RYR3: variants seen among roughly 807,000 people sequenced by gnomAD.
RYR3 encodes ryanodine receptor 3.
Under a neutral mutation model 584.3 loss-of-function variants are expected in RYR3, and 207 were observed. The observed-to-expected ratio is 0.35, with a 90% CI of 0.32 to 0.40. RYR3 has a LOEUF of 0.40. Ranked by LOEUF, RYR3 falls within the 10% of genes least tolerant of loss-of-function variation. The probability of loss-of-function intolerance (pLI) is 1.00; values close to 1 mark genes in which losing one functional copy is unlikely to be tolerated. For missense variants in RYR3, 5,616 were observed against 6,089.2 expected, an observed-to-expected ratio of 0.92 and a Z score of 2.59; for synonymous variants, 2,416 against 2,248.5, an observed-to-expected ratio of 1.07 and a Z score of -2.11.
At chr15:33,435,661 C>G (rs2045639040) in intron 1 of RYR3, among the ~76,000 whole-genome samples, 1 of 152,168 alleles carries the variant, frequency 6.6e-6, no homozygotes, top group Non-Finnish European at 1.5e-5. Flanking sequence ...AGCCACCGAC[C>G]TCAAGCGTTA....
At chr15:33,377,235 T>A (rs1219480161) in intron 1 of RYR3, among the ~76,000 whole-genome samples, 2 of 152,102 alleles carry the variant, frequency 1.3e-5, no homozygotes, top group Non-Finnish European at 2.9e-5. Context: ...CCAGTAAAAG[T>A]TTGTTTCTTG....
chr15:33,391,531 C>A (rs1425879083), intron 1 of RYR3, among the ~76,000 whole-genome samples: 1 of 151,104 alleles, frequency 6.6e-6, no homozygotes, highest in East Asian at 1.9e-4. Flanking sequence ...GAGGCTGAGG[C>A]AGGAGAATGA....
intron 45 of RYR3, among the ~76,000 whole-genome samples, chr15:33,725,321 G>T (rs2068302779): frequency 6.6e-6 from 1 of 152,070 alleles, no homozygotes; most frequent in South Asian, 2.1e-4. Context: ...CGGCACCAGG[G>T]TGCGTGGGCG....
chr15:33,699,356 C>A (rs1217785150), intron 40 of RYR3, among the ~76,000 whole-genome samples: 1 of 148,794 alleles, frequency 6.7e-6, no homozygotes, highest in African/African-American at 2.5e-5. Context: ...TCTCTCCTCT[C>A]TCTCTCATCT....
chr15:33,826,262 G>A lies in RYR3; in HGVS notation c.11157G>A (p.Arg3719=). ...TTCTCTCATTACCAGTCATTGTTCG[G>A]GAACGTGGTAAGTTTCAGTTTCTGG... ...MVTEEGTLIV[R]ERGEKVLQND... is the part of the protein sequence containing the mutation. The change falls in exon 83 of 104, where the codon CGG becomes CGA. Residue 3719 remains arginine, a synonymous_variant. Transcript: ENST00000634891. 1 of 1,613,742 alleles carries A rather than the reference G, an allele frequency of 6.2e-7. No individual in the cohort carries two copies. The highest frequency in any genetic ancestry group is 1.3e-5 in the African/African-American group (1 of 74,994).
Position 33,858,066 on chromosome 15 carries a change from C to G in RYR3, c.14142+152C>G, listed in dbSNP as rs1000299395. 4 of 1,002,662 alleles carry G rather than the reference C, an allele frequency of 4.0e-6. No homozygotes were observed. In the South Asian group the frequency reaches 6.8e-5, roughly 17 times the overall value. 62.1% of individuals were successfully genotyped at this position (1,002,662 alleles called of 1,614,324 possible). ...AGAGATTAAAGTAGAAGACAGATGT[C>G]TTCTCCAAACAGGAGAGTGTCCTGG... On this transcript the variant is annotated intron_variant, in intron 99 of 103. Transcript: ENST00000634891.
In RYR3 at chr15:33,843,488, C is replaced by T; in HGVS notation, c.13210C>T (p.His4404Tyr). 6.3e-7 allele frequency: 1 copy of T among 1,598,602 alleles called. No individual in the cohort carries two copies. Among genetic ancestry groups the T allele is most frequent in the Non-Finnish European group, 8.5e-7 (1 of 1,171,192 alleles). Residue 4404 changes from histidine to tyrosine, a missense_variant and splice_region_variant, in exon 92 of 104, where the codon CAT becomes TAT. Coordinates refer to ENST00000634891, the MANE Select transcript of RYR3 (RefSeq NM_001036.6). ...GLEIYQTKLL[H>Y]YLARNFYNLR... is the part of the protein sequence containing the mutation. Reference sequence around the variant, plus strand: ...CTTCTGCCTGTCCTTTTCTTTGCAGCATTACCTGGCCAGGAATTTCTACAA... The same window carrying T: ...CTTCTGCCTGTCCTTTTCTTTGCAGTATTACCTGGCCAGGAATTTCTACAA...
chr15:33,844,765 T>C lies in RYR3; in HGVS notation c.13297-97T>C, dbSNP rs959352043. On this transcript the variant is annotated intron_variant, in intron 92 of 103. Transcript: ENST00000634891. Reference sequence around the variant, plus strand: ...GCAAGTAATGTTGAGTCACTACTATTTGTATAGCACATGCTAACAATATAA... The same window carrying C: ...GCAAGTAATGTTGAGTCACTACTATCTGTATAGCACATGCTAACAATATAA... 8.3e-6 allele frequency: 9 copies of C among 1,083,232 alleles called. No homozygotes were observed. In the African/African-American group the frequency reaches 1.3e-4, roughly 15 times the overall value. 67.1% of individuals were successfully genotyped at this position (1,083,232 alleles called of 1,614,324 possible).
At chr15:33,365,413 G>C (rs1975355010) in intron 1 of RYR3, among the ~76,000 whole-genome samples, 1 of 152,208 alleles carries the variant, frequency 6.6e-6, no homozygotes, top group South Asian at 2.1e-4. Context: ...CAGAGGAAGG[G>C]AGGAGAAGTC....
intron 1 of RYR3, among the ~76,000 whole-genome samples, chr15:33,398,847 G>A (rs1396302874): frequency 3.3e-5 from 5 of 152,200 alleles, no homozygotes; most frequent in African/African-American, 4.8e-5. Flanking sequence ...TTCACATGGC[G>A]AGCTGAGCAT....
At chr15:33,351,056 A>T (rs951342892) in intron 1 of RYR3, among the ~76,000 whole-genome samples, 4 of 152,164 alleles carry the variant, frequency 2.6e-5, no homozygotes, top group Admixed American at 2.0e-4. Context: ...AAATAGATGC[A>T]ATAAAAAATG....
rs563955451 is a variant in RYR3, at chr15:33,789,888, G to A, written c.9830+1430G>A. 5.5e-5 allele frequency among the ~76,000 whole-genome samples: 8 copies of A among 146,312 alleles called. No homozygotes were observed. In the South Asian group the frequency reaches 1.5e-3, roughly 28 times the overall value. On this transcript the variant is annotated intron_variant, in intron 67 of 103. Coordinates refer to ENST00000634891, the MANE Select transcript of RYR3 (RefSeq NM_001036.6). ...ATGGGGTTTTACCATGTTGCCCAGG[G>A]TGGTTTCAAAGTCCTGAGCTCAAGC...
intron 91 of RYR3, among the ~76,000 whole-genome samples, chr15:33,842,528 G>T (rs2078436158): frequency 6.6e-6 from 1 of 152,212 alleles, no homozygotes; most frequent in Non-Finnish European, 1.5e-5. Context: ...AGGTACAGTG[G>T]CTGAAGGCCA....
intron 1 of RYR3, among the ~76,000 whole-genome samples, chr15:33,384,563 C>T (rs2245042): frequency 0.73 from 107,124 of 145,934 alleles, 39,436 homozygotes; most frequent in Non-Finnish European, 0.76. Context: ...TTAATATATA[C>T]TTACGGTGTA....
At chr15:33,612,648 C>G (rs1256699907) in intron 18 of RYR3, among the ~76,000 whole-genome samples, 1 of 152,252 alleles carries the variant, frequency 6.6e-6, no homozygotes, top group Non-Finnish European at 1.5e-5. Context: ...GCGTGAGCCA[C>G]TGTGCCCAGC....
intron 16 of RYR3, among the ~76,000 whole-genome samples, chr15:33,591,283 G>A (rs754486272): frequency 7.0e-4 from 107 of 152,226 alleles, no homozygotes; most frequent in Non-Finnish European, 1.0e-3. Flanking sequence ...CTTATGATTT[G>A]TTCTCTGCTG....
At chr15:33,345,767 A>G (rs561778580) in intron 1 of RYR3, among the ~76,000 whole-genome samples, 1 of 152,330 alleles carries the variant, frequency 6.6e-6, no homozygotes, top group African/African-American at 2.4e-5. Flanking sequence ...TAATATGGAA[A>G]ATTTTCCAAA....
chr15:33,599,875 G>A (rs555367157), intron 16 of RYR3, among the ~76,000 whole-genome samples: 1 of 152,330 alleles, frequency 6.6e-6, no homozygotes, highest in East Asian at 1.9e-4. Context: ...CTGTTAGGCT[G>A]TGTGCTTTTT....
intron 64 of RYR3, among the ~76,000 whole-genome samples, chr15:33,774,361 G>A (rs1377065752): frequency 6.6e-6 from 1 of 150,842 alleles, no homozygotes; most frequent in Admixed American, 6.6e-5. Context: ...CAAGCAAACT[G>A]GAAAGAATTC....
Sources: gnomAD v4.1 joint callset for allele counts (sites outside exome capture counted in the v4.1 genomes callset) on GRCh38, gnomAD v4.1.1 for gene constraint, MANE v1.5 for transcripts, NCBI Gene and HGNC (gene_info 2026-07-23, HGNC 2026-07-21) for gene names.